C12orf42: variants seen among roughly 807,000 people sequenced by gnomAD.
The protein encoded by C12orf42 is chromosome 12 open reading frame 42, also known as uncharacterized protein C12orf42.
C12orf42 carries 25 observed loss-of-function variants against 21.6 expected under a neutral mutation model. The observed-to-expected ratio is 1.16, with a 90% CI of 0.84 to 1.62. The LOEUF is 1.62. Ranked by LOEUF, C12orf42 falls within the 40% of genes most tolerant of loss-of-function variation. The pLI is 0.00. For missense variants in C12orf42, 483 were observed against 459.3 expected (o/e 1.05, Z -0.47); for synonymous variants, 174 against 175.0 (o/e 0.99, Z 0.05).
intron 2 of C12orf42, among the ~76,000 whole-genome samples, chr12:103,406,337 T>G (rs2048424169): frequency 6.6e-6 from 1 of 152,204 alleles, no homozygotes; most frequent in Non-Finnish European, 1.5e-5. Flanking sequence ...AGATAGCTGC[T>G]TTCAAGAGGT....
chr12:103,376,209 C>T (rs7316140), intron 3 of C12orf42, among the ~76,000 whole-genome samples: 49,718 of 151,906 alleles, frequency 0.33, 8,677 homozygotes, highest in African/African-American at 0.45. Context: ...ATATATACTA[C>T]GGAATAATAT....
At position 103,302,181 on chromosome 12, in the gene C12orf42, C is replaced by A; in HGVS notation, c.1010G>T (p.Arg337Leu). 2 of 1,002,950 alleles carry A rather than the reference C, an allele frequency of 2.0e-6. No individual in the cohort carries two copies. The highest frequency in any genetic ancestry group is 2.9e-5 in the East Asian group (1 of 34,850). The allele number at this position is 1,002,950 out of a possible 1,614,324, so 62.1% of individuals were successfully genotyped here. Residue 337 changes from arginine (R) to leucine (L), a missense_variant, in exon 6 of 6, where the codon CGC (arginine) becomes CTC (leucine). Arg to Leu is a moderately radical substitution (Grantham distance 102). Coordinates refer to ENST00000548883, the MANE Select transcript of C12orf42 (RefSeq NM_198521.5). ...LIKVCSSAPP[R>L]PTRRFHTVCS... ...AACCGTATGGAAACGCCGGGTTGGG[C>A]GGGGGGGTGCTGAGGAGCAAACCTT...
chr12:103,319,180 A>T (rs1269010027), intron 4 of C12orf42, among the ~76,000 whole-genome samples: 1 of 152,244 alleles, frequency 6.6e-6, no homozygotes, highest in Non-Finnish European at 1.5e-5. Context: ...AAATCACATC[A>T]TTCAAAAGCA....
At chr12:103,149,285 C>T in the C12orf42 span, among the ~76,000 whole-genome samples, 1 of 152,100 alleles carries the variant, frequency 6.6e-6, no homozygotes, top group African/African-American at 2.4e-5. Flanking sequence ...AACTGTGCTT[C>T]CACAGAACAT....
intron 4 of C12orf42, among the ~76,000 whole-genome samples, chr12:103,295,456 T>C (rs2037201750): frequency 6.6e-6 from 1 of 152,156 alleles, no homozygotes; most frequent in Non-Finnish European, 1.5e-5. Context: ...TAAGACATTG[T>C]ACTGTAATCT....
chr12:103,194,179 C>T, the C12orf42 span, among the ~76,000 whole-genome samples: 2 of 151,198 alleles, frequency 1.3e-5, no homozygotes, highest in Non-Finnish European at 3.0e-5. Context: ...TACCTCGACA[C>T]ATAATAAAGG....
chr12:103,551,785 C>A, the C12orf42 span, among the ~76,000 whole-genome samples: 1 of 152,044 alleles, frequency 6.6e-6, no homozygotes, highest in African/African-American at 2.4e-5. Context: ...CTACTATACT[C>A]CAGCCTGGGT....
chr12:103,237,291 C>A (rs148793855), downstream of C12orf42, among the ~76,000 whole-genome samples: 1 of 152,042 alleles, frequency 6.6e-6, no homozygotes, highest in East Asian at 1.9e-4. Context: ...TGGGGAGATG[C>A]TGGGATTGAG....
the C12orf42 span, among the ~76,000 whole-genome samples, chr12:103,195,439 C>T: frequency 6.6e-6 from 1 of 152,144 alleles, no homozygotes; most frequent in Non-Finnish European, 1.5e-5. Context: ...CTTTTCTCCA[C>T]AACCTTGCCA....
rs923049753 is a variant in C12orf42, at chr12:103,270,493, AT to A, written n.399-641del. On this transcript the variant is annotated intron_variant and non_coding_transcript_variant, in intron 5 of 6. Coordinates refer to the C12orf42 transcript ENST00000546526. ...GACTTGATTTACATTTTTATTATTG[AT>A]TTTTTTCCCAAAGATATTTATTTTT... Among the ~76,000 whole-genome samples the A allele has an allele frequency of 5.3e-5, 8 of 151,010 alleles. No individual in the cohort carries two copies. The East Asian group carries it at 9.7e-4, about 18-fold the overall frequency.
chr12:103,553,790 C>T, the C12orf42 span, among the ~76,000 whole-genome samples: 9 of 152,140 alleles, frequency 5.9e-5, no homozygotes, highest in Non-Finnish European at 1.0e-4. Flanking sequence ...CAATGCTGAT[C>T]TTCATTTTAC....
At chr12:103,111,629 C>G in the C12orf42 span, among the ~76,000 whole-genome samples, 47 of 152,284 alleles carry the variant, frequency 3.1e-4, no homozygotes, top group African/African-American at 1.1e-3. Flanking sequence ...TTGATTCTTT[C>G]AGGGCAGCTC....
the C12orf42 span, among the ~76,000 whole-genome samples, chr12:103,136,413 T>C: frequency 6.6e-6 from 1 of 152,174 alleles, no homozygotes; most frequent in Non-Finnish European, 1.5e-5. Flanking sequence ...TGCTCATGGA[T>C]TGGGATAATT....
At chr12:103,226,202 G>C in the C12orf42 span, among the ~76,000 whole-genome samples, 1 of 152,212 alleles carries the variant, frequency 6.6e-6, no homozygotes, top group African/African-American at 2.4e-5. Context: ...TCAGGCGTTT[G>C]GAAGTTCTTG....
At chr12:103,337,411 C>T (rs747688894) in intron 4 of C12orf42, among the ~76,000 whole-genome samples, 37 of 152,150 alleles carry the variant, frequency 2.4e-4, no homozygotes, top group Non-Finnish European at 4.1e-4. Flanking sequence ...AGTGCACTGG[C>T]GCAATCTTGG....
At chr12:103,441,927 G>A (rs1951271900) in intron 2 of C12orf42, among the ~76,000 whole-genome samples, 1 of 152,096 alleles carries the variant, frequency 6.6e-6, no homozygotes, top group South Asian at 2.1e-4. Flanking sequence ...AGTACAGATT[G>A]AGGCCAGGCA....
chr12:103,423,832 G>A (rs574569600), intron 2 of C12orf42, among the ~76,000 whole-genome samples: 8 of 152,262 alleles, frequency 5.3e-5, no homozygotes, highest in Admixed American at 1.3e-4. Context: ...TGAAGCCAAA[G>A]CTCTCGGCAT....
At chr12:103,256,317 C>G (rs1165043371) in intron 10 of C12orf42, among the ~76,000 whole-genome samples, 1 of 150,944 alleles carries the variant, frequency 6.6e-6, no homozygotes, top group East Asian at 1.9e-4. Flanking sequence ...TGAATCCTCA[C>G]TTTAAAATAG....
At chr12:103,439,161 G>T (rs1048129982) in intron 2 of C12orf42, among the ~76,000 whole-genome samples, 54 of 151,568 alleles carry the variant, frequency 3.6e-4, no homozygotes, top group African/African-American at 1.2e-3. Flanking sequence ...ATGGGGAAAG[G>T]ATTCCCTATT....
Sources: allele counts gnomAD v4.1 joint callset (sites outside exome capture counted in the v4.1 genomes callset), GRCh38; gene constraint gnomAD v4.1.1; transcripts MANE v1.5; gene names NCBI Gene and HGNC (gene_info 2026-07-23, HGNC 2026-07-21).